Variants in SLC1A2 observed in about 807,000 individuals in gnomAD.
SLC1A2 encodes excitatory amino acid transporter 2.
Under a neutral mutation model 48.8 loss-of-function variants are expected in SLC1A2, and 15 were observed. The observed-to-expected ratio is 0.31, with a 90% CI of 0.21 to 0.47. The LOEUF is 0.47. SLC1A2 is among the 20% of genes least tolerant of loss of function. SLC1A2 has a pLI of 0.99. For synonymous variants in SLC1A2, 279 were observed against 272.6 expected (o/e 1.02, Z -0.23); for missense variants, 502 against 730.5 (o/e 0.69, Z 3.61).
chr11:35,381,810 G>A (rs768812554), intron 1 of SLC1A2, among the ~76,000 whole-genome samples: 4 of 152,122 alleles, frequency 2.6e-5, no homozygotes, highest in Non-Finnish European at 5.9e-5. Context: ...GTGTCATATT[G>A]CACCTTTTAA....
intron 1 of SLC1A2, among the ~76,000 whole-genome samples, chr11:35,346,744 G>T (rs1853051759): frequency 6.6e-6 from 1 of 152,212 alleles, no homozygotes; most frequent in Non-Finnish European, 1.5e-5. Flanking sequence ...AGTCAGAAAG[G>T]GCTTTCTCAG....
intron 1 of SLC1A2, chr11:35,352,252 T>G (rs538869182): frequency 6.6e-6 from 1 of 152,270 alleles, no homozygotes. Flanking sequence ...GCCCTGGTTA[T>G]GAATCTCAAA....
intron 1 of SLC1A2, 84 bp from the exon 2 acceptor site, chr11:35,317,600 C>T (rs1188577967): frequency 1.4e-6 from 2 of 1,480,734 alleles, no homozygotes; most frequent in Non-Finnish European, 1.8e-6. Context: ...GGAACCTCTC[C>T]AGGCACAGTT....
Position 35,337,545 on chromosome 11 carries a change from AG to A in SLC1A2, c.18-20030del, listed in dbSNP as rs1852678629. Among the ~76,000 whole-genome samples, 4 of 152,134 alleles carry A rather than the reference AG, an allele frequency of 2.6e-5. No homozygotes were observed. The South Asian group carries it at 8.3e-4, about 32-fold the overall frequency. On this transcript the variant is annotated intron_variant, in intron 1 of 10. Coordinates refer to ENST00000278379, the MANE Select transcript of SLC1A2 (RefSeq NM_004171.4). ...CTACTCAGTATGGATCCAAAACTCA[AG>A]GAATATCTATCTAACTACACCTGCA... is the stretch of plus-strand genomic sequence containing the variant.
In SLC1A2 at chr11:35,413,006, G is replaced by T. The variant is rs145987085; in HGVS notation, c.17+5944C>A. On this transcript the variant is annotated intron_variant, in intron 1 of 10. Transcript: ENST00000278379. ...GGGTGGGGGGAAAGGTAGCTTGAAA[G>T]ATCTTTTTTTTTACATAGAAATGAG... Among the ~76,000 whole-genome samples the T allele has an allele frequency of 6.4e-4, 97 of 152,080 alleles. 1 individual carries two copies. The highest frequency in any genetic ancestry group is 2.2e-3 in the African/African-American group (91 of 41,340).
chr11:35,271,996 T>G (rs929836851), intron 9 of SLC1A2, among the ~76,000 whole-genome samples: 1 of 152,170 alleles, frequency 6.6e-6, no homozygotes, highest in Non-Finnish European at 1.5e-5. Context: ...ATAATCAGCT[T>G]ATTCAAGATG....
chr11:35,279,515 T>C (rs1181757118), intron 9 of SLC1A2, among the ~76,000 whole-genome samples: 1 of 152,210 alleles, frequency 6.6e-6, no homozygotes, highest in Admixed American at 6.5e-5. Context: ...ACACTGCTGG[T>C]AGCCTCAGTG....
chr11:35,321,905 C>G, intron 1 of SLC1A2, among the ~76,000 whole-genome samples: 1 of 152,070 alleles, frequency 6.6e-6, no homozygotes, highest in Non-Finnish European at 1.5e-5. Flanking sequence ...CACCAAATCC[C>G]TCGAGGCTAA....
At chr11:35,266,371 A>G (rs1196101281) in intron 9 of SLC1A2, among the ~76,000 whole-genome samples, 1 of 152,218 alleles carries the variant, frequency 6.6e-6, no homozygotes, top group Non-Finnish European at 1.5e-5. Context: ...TTTCTCATTG[A>G]CCAATATGTG....
intron 1 of SLC1A2, among the ~76,000 whole-genome samples, chr11:35,329,726 G>A (rs1321183280): frequency 6.6e-6 from 1 of 152,100 alleles, no homozygotes; most frequent in Non-Finnish European, 1.5e-5. Context: ...GCAGTGCAGG[G>A]CAGCTTATCA....
Position 35,258,213 on chromosome 11 carries a change from C to T in SLC1A2, c.*2681G>A, listed in dbSNP as rs1950340325. On this transcript the variant is annotated 3_prime_UTR_variant, in exon 11 of 11. Coordinates refer to ENST00000278379, the MANE Select transcript of SLC1A2 (RefSeq NM_004171.4). ...AAGAAATTGTATATTTTTAATATGA[C>T]TTATTGAATTTCCAGATAAGTGTGA... The T allele has an allele frequency of 6.6e-6, 1 of 152,172 alleles. No homozygotes were observed. The highest frequency in any genetic ancestry group is 1.5e-5 in the Non-Finnish European group (1 of 68,028). 9.4% of individuals were successfully genotyped at this position (152,172 alleles called of 1,614,324 possible). A position where few individuals can be genotyped will look rare whatever the true frequency, so the allele number is the denominator to read the frequency against.
At chr11:35,363,535 A>G (rs1853750140) in intron 1 of SLC1A2, among the ~76,000 whole-genome samples, 1 of 152,164 alleles carries the variant, frequency 6.6e-6, no homozygotes, top group African/African-American at 2.4e-5. Context: ...CCAGGATACA[A>G]GTTCCCCCAG....
intron 1 of SLC1A2, among the ~76,000 whole-genome samples, chr11:35,394,260 G>A (rs898644656): frequency 2.0e-5 from 3 of 151,992 alleles, no homozygotes; most frequent in Non-Finnish European, 4.4e-5. Context: ...CTTCAGCCAC[G>A]TGTGGAGGGA....
At chr11:35,322,337 G>A (rs182955733) in intron 1 of SLC1A2, among the ~76,000 whole-genome samples, 26 of 152,292 alleles carry the variant, frequency 1.7e-4, no homozygotes, top group Non-Finnish European at 2.9e-4. Flanking sequence ...ATTAGCATTC[G>A]ATTTCCCTTG....
chr11:35,261,930 C>T, intron 10 of SLC1A2: 1 of 389,376 alleles, frequency 2.6e-6, no homozygotes, highest in Non-Finnish European at 4.5e-6. Context: ...TTTATCCAAT[C>T]CCCATTAGCC....
chr11:35,306,687 T>TC (rs1237465361), intron 4 of SLC1A2, among the ~76,000 whole-genome samples: 1 of 152,082 alleles, frequency 6.6e-6, no homozygotes, highest in East Asian at 1.9e-4. Flanking sequence ...CCTTCCCCTT[T>TC]CCCCCCACTC....
intron 1 of SLC1A2, chr11:35,322,694 A>G (rs1271672229): frequency 7.1e-7 from 1 of 1,412,342 alleles, no homozygotes; most frequent in African/African-American, 1.4e-5. Flanking sequence ...AATCAAGAAC[A>G]AAAACAGTGC....
chr11:35,339,066 A>G (rs1852741666), intron 1 of SLC1A2, among the ~76,000 whole-genome samples: 1 of 152,192 alleles, frequency 6.6e-6, no homozygotes, highest in African/African-American at 2.4e-5. Flanking sequence ...TGACTGTCCC[A>G]TGGCAAGACC....
chr11:35,382,764 C>A (rs1009013972), intron 1 of SLC1A2, among the ~76,000 whole-genome samples: 1 of 151,870 alleles, frequency 6.6e-6, no homozygotes, highest in Non-Finnish European at 1.5e-5. Flanking sequence ...CCACTGCACT[C>A]CAGCTTGGGC....
Sources: gnomAD v4.1 joint callset for allele counts (sites outside exome capture counted in the v4.1 genomes callset) on GRCh38, gnomAD v4.1.1 for gene constraint, MANE v1.5 for transcripts, NCBI Gene and HGNC (gene_info 2026-07-23, HGNC 2026-07-21) for gene names.